The following EIF4A1 variants were observed in gnomAD, a reference collection of about 807,000 sequenced individuals.
EIF4A1 encodes eukaryotic translation initiation factor 4A1, also known as eukaryotic initiation factor 4A-I.
A neutral mutation model predicts 53.5 loss-of-function variants in EIF4A1; 11 were observed. The observed-to-expected ratio is 0.21, with a 90% CI of 0.13 to 0.34. EIF4A1 has a LOEUF of 0.34. Ranked by LOEUF, EIF4A1 falls within the 10% of genes least tolerant of loss-of-function variation. The pLI is 1.00. For missense variants in EIF4A1, 213 were observed against 530.8 expected (o/e 0.40, Z 5.88); for synonymous variants, 237 against 186.7 (o/e 1.27, Z -2.20).
At chr17:7,575,596 T>C in intron 4 of EIF4A1, 2 of 408,266 alleles carry the variant, frequency 4.9e-6, no homozygotes, top group South Asian at 2.1e-5. Context: ...ACAGTCCTTT[T>C]CACCCTTGCT....
Position 7,572,873 on chromosome 17 carries a change from G to C in EIF4A1, c.23+9G>C. Reference sequence around the variant, plus strand: ...GCGAGCCAGGATTCCCGGTAAGAAAGGCATTTGCAAGAGATTGTGGCTGCT... The same window carrying C: ...GCGAGCCAGGATTCCCGGTAAGAAACGCATTTGCAAGAGATTGTGGCTGCT... On this transcript the variant is annotated intron_variant, in intron 1 of 10. Coordinates refer to ENST00000293831, the MANE Select transcript of EIF4A1 (RefSeq NM_001416.4). The C allele has an allele frequency of 6.2e-7, 1 of 1,614,174 alleles. No homozygotes were observed.
rs1192293919 is a variant in EIF4A1, at chr17:7,578,950, A to AT, written c.*467dup. 1 of 155,694 alleles carries AT rather than the reference A, an allele frequency of 6.4e-6. No individual in the cohort carries two copies. The highest frequency in any genetic ancestry group is 1.4e-5 in the Non-Finnish European group (1 of 70,074). 9.6% of individuals were successfully genotyped at this position (155,694 alleles called of 1,614,324 possible). On this transcript the variant is annotated 3_prime_UTR_variant, in exon 11 of 11. Transcript: ENST00000293831. ...CCATTTTTACATTGTTTTGTATAGT[A>AT]TTTATTGATTCAGGAAACAAACACA... is the stretch of plus-strand genomic sequence containing the variant.
chr17:7,574,831 A>C, intron 3 of EIF4A1, 153 bp downstream of exon 3: 1 of 1,315,330 alleles, frequency 7.6e-7, no homozygotes, highest in Non-Finnish European at 1.1e-6. Flanking sequence ...TGCCTGGTTC[A>C]TGCCTTGGAC....
chr17:7,573,989 G>T, intron 1 of EIF4A1: 1 of 493,774 alleles, frequency 2.0e-6, no homozygotes, highest in Non-Finnish European at 3.6e-6. Context: ...TCTGGGCACC[G>T]TGAGCGCGGC....
chr17:7,577,992 C>T lies in EIF4A1; in HGVS notation c.996+76C>T, dbSNP rs996074695. ...TCCCTCTCCAAGGGGACATCAGTGC[C>T]TCTCAGGAAAGTAGCAGCTTGGAAT... On this transcript the variant is annotated intron_variant, in intron 9 of 10. Coordinates refer to ENST00000293831, the MANE Select transcript of EIF4A1 (RefSeq NM_001416.4). This position sits in a 1 kb window ranked among gnomAD's most constrained non-coding sequence, Gnocchi z 4.7. The T allele has an allele frequency of 6.3e-7, 1 of 1,595,166 alleles. No homozygotes were observed. The highest frequency in any genetic ancestry group is 8.6e-7 in the Non-Finnish European group (1 of 1,163,180).
chr17:7,578,551 G>T lies in EIF4A1; in HGVS notation c.*65G>T, dbSNP rs904116739. ...TCTGGGGGCTGAGGAGCAGCAGGAG[G>T]GGGGAGGGAAGGGAGCCAAGGGATG... On this transcript the variant is annotated 3_prime_UTR_variant, in exon 11 of 11. Transcript: ENST00000293831. 1.8e-5 allele frequency: 27 copies of T among 1,484,756 alleles called. No homozygotes were observed. The highest frequency in any genetic ancestry group is 1.6e-4 in the East Asian group (7 of 42,824). The allele number at this position is 1,484,756 out of a possible 1,614,324, so 92.0% of individuals were successfully genotyped here.
At chr17:7,573,195 A>G in intron 1 of EIF4A1, 1 of 519,318 alleles carries the variant, frequency 1.9e-6, no homozygotes, top group Non-Finnish European at 3.5e-6. Context: ...GGCGGCCGCC[A>G]CTATGTGTGG....
chr17:7,573,203 T>G, intron 1 of EIF4A1: 11 of 481,678 alleles, frequency 2.3e-5, no homozygotes, highest in East Asian at 4.0e-5. Flanking sequence ...CCACTATGTG[T>G]GGCCCAGAGC....
intron 4 of EIF4A1, chr17:7,575,546 C>G (rs989146062): frequency 2.0e-6 from 1 of 505,900 alleles, no homozygotes; most frequent in Non-Finnish European, 3.6e-6. Flanking sequence ...TAAGAGATCC[C>G]TTGGTGTGGG....
At chr17:7,574,708 T>G (rs1371755417) in intron 3 of EIF4A1, 30 bp downstream of exon 3, 8 of 1,611,606 alleles carry the variant, frequency 5.0e-6, no homozygotes, top group Non-Finnish European at 6.8e-6. Context: ...GAAGACATTG[T>G]GGACTGTCCC....
At chr17:7,574,792 A>G in intron 3 of EIF4A1, 114 bp downstream of exon 3, 2 of 1,557,422 alleles carry the variant, frequency 1.3e-6, no homozygotes, top group Non-Finnish European at 1.8e-6. Flanking sequence ...CTCCTTGTTC[A>G]TCCCAGCTTG....
chr17:7,574,877 A>G (rs1347123297), intron 3 of EIF4A1, 199 bp downstream of exon 3: 1 of 1,089,566 alleles, frequency 9.2e-7, no homozygotes, highest in East Asian at 2.3e-5. Context: ...TATTGTAGCC[A>G]GCTTATATTT....
Position 7,574,551 on chromosome 17 carries a change from C to T in EIF4A1, c.78C>T (p.Asn26=), listed in dbSNP as rs1216910440. The change falls in exon 3 of 11, where the codon AAC becomes AAT. Residue 26 remains asparagine (N), a synonymous_variant. Transcript: ENST00000293831. ...AATTTCTTTGCATCCCCTAGAGTAA[C>T]TGGAATGAGATTGTTGACAGCTTTG... ...GMEPEGVIES[N]WNEIVDSFDD... 1.9e-6 allele frequency: 3 copies of T among 1,612,660 alleles called. No homozygotes were observed. The highest frequency in any genetic ancestry group is 1.7e-6 in the Non-Finnish European group (2 of 1,179,960).
chr17:7,573,254 C>T (rs549126394), intron 1 of EIF4A1: 4 of 368,458 alleles, frequency 1.1e-5, no homozygotes, highest in South Asian at 5.9e-5. Flanking sequence ...GGAGGGACGG[C>T]GCGCGGGGTT....
rs373342246 is a variant in EIF4A1, at chr17:7,575,957, G to A, written c.346-567G>A. The A allele has an allele frequency of 4.4e-5, 7 of 159,022 alleles. No homozygotes were observed. The East Asian group carries it at 1.3e-3, about 29-fold the overall frequency. The allele number at this position is 159,022 out of a possible 1,614,324, so 9.9% of individuals were successfully genotyped here. A position where few individuals can be genotyped will look rare whatever the true frequency, so the allele number is the denominator to read the frequency against. ...GGAGGCCAAGGCAGGCAGATCTCTT[G>A]AGATCAGGAGTTGGAGACCAGCCTG... On this transcript the variant is annotated intron_variant, in intron 4 of 10. Coordinates refer to ENST00000293831, the MANE Select transcript of EIF4A1 (RefSeq NM_001416.4).
chr17:7,575,213 C>G lies in EIF4A1; in HGVS notation c.300C>G (p.Ala100=). 6.2e-7 allele frequency: 1 copy of G among 1,613,756 alleles called. No homozygotes were observed. The highest frequency in any genetic ancestry group is 8.5e-7 in the Non-Finnish European group (1 of 1,180,046). The change falls in exon 4 of 11, where the codon GCC becomes GCG. Residue 100 remains alanine (A), a synonymous_variant. Coordinates refer to ENST00000293831, the MANE Select transcript of EIF4A1 (RefSeq NM_001416.4). ...ILQQIELDLK[A]TQALVLAPTR... ...AGCAGATTGAATTAGATCTAAAAGC[C>G]ACCCAGGCCTTGGTCCTAGCACCCA... is the stretch of plus-strand genomic sequence containing the variant.
At chr17:7,574,796 C>T (rs1179716046) in intron 3 of EIF4A1, 118 bp downstream of exon 3, 1 of 1,548,996 alleles carries the variant, frequency 6.5e-7, no homozygotes, top group Non-Finnish European at 8.8e-7. Flanking sequence ...TTGTTCATCC[C>T]AGCTTGGCTT....
chr17:7,572,942 G>A (rs2071343119), intron 1 of EIF4A1, 78 bp downstream of exon 1: 1 of 1,613,304 alleles, frequency 6.2e-7, no homozygotes, highest in African/African-American at 1.3e-5. Flanking sequence ...GGGTAGCTGA[G>A]AGGCCCACCA....
At chr17:7,575,563 C>A (rs148308298) in intron 4 of EIF4A1, 1 of 472,860 alleles carries the variant, frequency 2.1e-6, no homozygotes, top group Non-Finnish European at 3.9e-6. Context: ...TGGGGGTGAT[C>A]TTACAGTAGT....
Sources: allele counts gnomAD v4.1 joint callset, GRCh38; gene constraint gnomAD v4.1.1; non-coding constraint Gnocchi (gnomAD v3.1); transcripts MANE v1.5; gene names NCBI Gene and HGNC (gene_info 2026-07-23, HGNC 2026-07-21).